The following SLC7A1 variants were observed in gnomAD, a reference collection of about 807,000 sequenced individuals.
SLC7A1 encodes solute carrier family 7 member 1.
In SLC7A1, 10 loss-of-function variants were observed where a neutral mutation model predicts 53.9. The observed-to-expected ratio is 0.19, with a 90% CI of 0.11 to 0.31. The LOEUF (loss-of-function observed/expected upper bound fraction) is 0.31. Among genes scored for constraint, SLC7A1 ranks in the 10% least tolerant of loss-of-function variants. SLC7A1 has a pLI of 1.00. For synonymous variants in SLC7A1, 342 were observed against 338.7 expected (o/e 1.01, Z -0.11); for missense variants, 525 against 827.2 (o/e 0.63, Z 4.48).
intron 4 of SLC7A1, among the ~76,000 whole-genome samples, 184 bp downstream of exon 4, chr13:29,532,640 T>C (rs141509466): frequency 2.0e-5 from 3 of 152,136 alleles, no homozygotes; most frequent in African/African-American, 7.2e-5. Flanking sequence ...CGGCCCTATC[T>C]GAATCTATAA....
rs1335329002 is a variant in SLC7A1 at position 29,510,871 on chromosome 13, C to T, written c.*3609G>A. The T allele has an allele frequency of 6.6e-6, 1 of 152,290 alleles. No homozygotes were observed. The highest frequency in any genetic ancestry group is 1.5e-5 in the Non-Finnish European group (1 of 68,068). The allele number at this position is 152,290 out of a possible 1,614,324, so 9.4% of individuals were successfully genotyped here. A position where few individuals can be genotyped will look rare whatever the true frequency, so the allele number is the denominator to read the frequency against. ...GGCAGGCTTGCTTTAGCATTGAGTC[C>T]TGCGTCGCGCAATGCCCAGGACCTT... is the stretch of plus-strand genomic sequence containing the variant. On this transcript the variant is annotated 3_prime_UTR_variant, in exon 13 of 13. Coordinates refer to ENST00000380752, the MANE Select transcript of SLC7A1 (RefSeq NM_003045.5).
At chr13:29,535,724 G>A in intron 3 of SLC7A1, 95 bp downstream of exon 3, 4 of 1,280,508 alleles carry the variant, frequency 3.1e-6, no homozygotes, top group Non-Finnish European at 4.4e-6. Flanking sequence ...GTGTTAACAA[G>A]AATGACCTCC....
At chr13:29,580,883 A>T (rs280934) in intron 1 of SLC7A1, among the ~76,000 whole-genome samples, 111,848 of 151,984 alleles carry the variant, frequency 0.74, 42,673 homozygotes, top group Non-Finnish European at 0.85. Flanking sequence ...CGGCTCAAAA[A>T]TTCAAAAGCT....
intron 1 of SLC7A1, among the ~76,000 whole-genome samples, chr13:29,591,474 G>A (rs1872107224): frequency 6.6e-6 from 1 of 152,172 alleles, no homozygotes; most frequent in Admixed American, 6.5e-5. Flanking sequence ...CCCATACCGA[G>A]CAGAGGCCAC....
intron 4 of SLC7A1, among the ~76,000 whole-genome samples, 163 bp from the exon 5 acceptor site, chr13:29,530,875 C>T (rs1454470413): frequency 6.6e-6 from 1 of 152,174 alleles, no homozygotes; most frequent in Non-Finnish European, 1.5e-5. Flanking sequence ...AATTATCTTT[C>T]TGGGGGCGGG....
intron 1 of SLC7A1, among the ~76,000 whole-genome samples, chr13:29,588,943 T>C (rs1053702839): frequency 4.6e-5 from 7 of 152,244 alleles, no homozygotes; most frequent in South Asian, 2.1e-4. Context: ...CTTCACTGGG[T>C]CCCAGAAACT....
In SLC7A1 at chr13:29,513,483, A is replaced by T. The variant is rs1883458413; in HGVS notation, c.*997T>A. ...AGGGCCAGAAACGCATGACCCCGAC[A>T]TGTCCTGACCCCAGACTGAGCTGCC... On this transcript the variant is annotated 3_prime_UTR_variant, in exon 13 of 13. Transcript: ENST00000380752. The T allele has an allele frequency of 2.0e-5, 3 of 152,712 alleles. No individual in the cohort carries two copies. The highest frequency in any genetic ancestry group is 2.0e-4 in the Admixed American group (3 of 15,282). 9.5% of individuals were successfully genotyped at this position (152,712 alleles called of 1,614,324 possible).
Position 29,509,995 on chromosome 13 carries a change from AAC to A in SLC7A1, c.*4483_*4484del, listed in dbSNP as rs1206942206. Reference sequence around the variant, plus strand: ...CAAACTTAATAGTCTGTCATCAAGAAACACAAAATCATTTGCCTTGTTAATAA... The same window carrying A: ...CAAACTTAATAGTCTGTCATCAAGAAACAAAATCATTTGCCTTGTTAATAA... On this transcript the variant is annotated 3_prime_UTR_variant, in exon 13 of 13. Transcript: ENST00000380752. The A allele has an allele frequency of 5.2e-5, 8 of 152,788 alleles. No individual in the cohort carries two copies. Among genetic ancestry groups the A allele is most frequent in the African/African-American group, 1.4e-4 (6 of 41,578 alleles). 9.5% of individuals were successfully genotyped at this position (152,788 alleles called of 1,614,324 possible).
At chr13:29,553,456 G>GCATCACC (rs1870291847) in intron 2 of SLC7A1, among the ~76,000 whole-genome samples, 2 of 151,978 alleles carry the variant, frequency 1.3e-5, no homozygotes, top group East Asian at 3.9e-4. Context: ...CAGGCCTCAG[G>GCATCACC]GACGGAAGGC....
In SLC7A1 at chr13:29,513,341, T is replaced by G. The variant is rs780664134; in HGVS notation, c.*1139A>C. ...TAGGACAGCCGCAGGGGTGATGACA[T>G]GGCCATTTCCAAGTTAATGTTATGC... On this transcript the variant is annotated 3_prime_UTR_variant, in exon 13 of 13. Transcript: ENST00000380752. 6.5e-6 allele frequency: 1 copy of G among 152,792 alleles called. No homozygotes were observed. Among genetic ancestry groups the G allele is most frequent in the Non-Finnish European group, 1.5e-5 (1 of 68,032 alleles). 9.5% of individuals were successfully genotyped at this position (152,792 alleles called of 1,614,324 possible).
At chr13:29,566,162 C>T (rs962529628) in intron 1 of SLC7A1, among the ~76,000 whole-genome samples, 10 of 152,308 alleles carry the variant, frequency 6.6e-5, no homozygotes, top group African/African-American at 2.4e-4. Context: ...AATTTTTGTT[C>T]TGTGTATTGT....
intron 2 of SLC7A1, among the ~76,000 whole-genome samples, chr13:29,549,330 C>A (rs1025631548): frequency 2.3e-4 from 35 of 152,296 alleles, no homozygotes; most frequent in African/African-American, 7.5e-4. Flanking sequence ...GGGACCAGTG[C>A]CATTCCTTCC....
chr13:29,588,504 C>CT (rs1871979717), intron 1 of SLC7A1, among the ~76,000 whole-genome samples: 3 of 64,292 alleles, frequency 4.7e-5, no homozygotes, highest in Admixed American at 2.7e-4. Context: ...CTTTTCTTTT[C>CT]TTTCTTTTTT....
In SLC7A1 at chr13:29,530,583, G is replaced by A. The variant is rs141942394; in HGVS notation, c.659C>T (p.Thr220Met). The change falls in exon 5 of 13, where the codon ACG becomes ATG. Residue 220 changes from threonine (T) to methionine (M), a missense_variant. Physicochemically the swap from Thr to Met is moderately conservative, Grantham distance 81. Around this residue, in one of 4 missense-constraint regions of SLC7A1, gnomAD observed 354 missense variants for 587.5 expected, o/e 0.60. Transcript: ENST00000380752. ...VKGSVKNWQL[T>M]EEDFGNTSGR... is the part of the protein sequence containing the mutation. ...TGATGTGTTCCCAAAATCCTCCTCC[G>A]TGAGCTGCCAGTTTTTAACCGATCC... The A allele has an allele frequency of 3.3e-5, 54 of 1,613,936 alleles. No homozygotes were observed. The East Asian group carries it at 6.2e-4, about 19-fold the overall frequency.
rs1436294943 is a variant in SLC7A1 at position 29,522,470 on chromosome 13, G to A, written c.1050-14C>T. 6 of 1,613,968 alleles carry A rather than the reference G, an allele frequency of 3.7e-6. No homozygotes were observed. Among genetic ancestry groups the A allele is most frequent in the Non-Finnish European group, 5.1e-6 (6 of 1,179,970 alleles). ...GAACCTAGAAGACTAGATGGGGAGA[G>A]GCAAACCGCGTGAGTGAACCTGGCT... On this transcript the variant is annotated splice_polypyrimidine_tract_variant and intron_variant, in intron 7 of 12. Transcript: ENST00000380752.
At chr13:29,543,231 GA>G (rs35344478) in intron 2 of SLC7A1, among the ~76,000 whole-genome samples, 1 of 152,182 alleles carries the variant, frequency 6.6e-6, no homozygotes, top group African/African-American at 2.4e-5. Context: ...TTTCATGGGG[GA>G]AAAAAGGTGG....
intron 1 of SLC7A1, among the ~76,000 whole-genome samples, chr13:29,588,823 GT>G (rs1002775032): frequency 1.7e-3 from 266 of 152,214 alleles, no homozygotes; most frequent in African/African-American, 6.2e-3. Flanking sequence ...TTTTCTTTAA[GT>G]TTGAAATGTT....
chr13:29,532,640 T>G (rs141509466), intron 4 of SLC7A1, among the ~76,000 whole-genome samples, 184 bp downstream of exon 4: 1 of 152,254 alleles, frequency 6.6e-6, no homozygotes, highest in East Asian at 1.9e-4. Flanking sequence ...CGGCCCTATC[T>G]GAATCTATAA....
At chr13:29,559,767 G>C (rs1214888845) in intron 1 of SLC7A1, among the ~76,000 whole-genome samples, 11 of 150,926 alleles carry the variant, frequency 7.3e-5, no homozygotes, top group Non-Finnish European at 1.3e-4. Flanking sequence ...TCAGGCTGGA[G>C]TGCAGTGGCG....
Sources: allele counts gnomAD v4.1 joint callset (sites outside exome capture counted in the v4.1 genomes callset), GRCh38; gene constraint gnomAD v4.1.1; regional missense constraint gnomAD v4.1.1; transcripts MANE v1.5; gene names NCBI Gene and HGNC (gene_info 2026-07-23, HGNC 2026-07-21).